ACCSL: variants seen among roughly 807,000 people sequenced by gnomAD.
The protein encoded by ACCSL is 1-aminocyclopropane-1-carboxylate synthase homolog (inactive) like.
A neutral mutation model predicts 61.7 loss-of-function variants in ACCSL; 55 were observed. That is an observed-to-expected ratio of 0.89 (90% CI 0.72 to 1.12). ACCSL has a LOEUF of 1.12. ACCSL is among the 50% of genes most tolerant of loss of function. The pLI, the probability that ACCSL is intolerant of heterozygous loss-of-function variation, is 0.00. For synonymous variants in ACCSL, 258 were observed against 264.3 expected (o/e 0.98, Z 0.23); for missense variants, 632 against 698.0 (o/e 0.91, Z 1.07).
At chr11:44,028,154 AG>A in the ACCSL span, among the ~76,000 whole-genome samples, 1 of 151,982 alleles carries the variant, frequency 6.6e-6, no homozygotes, top group Non-Finnish European at 1.5e-5. Flanking sequence ...TGACAGAGTG[AG>A]ACCCTATCTC....
chr11:43,955,134 C>T, the ACCSL span, among the ~76,000 whole-genome samples: 3 of 152,146 alleles, frequency 2.0e-5, no homozygotes, highest in Non-Finnish European at 2.9e-5. Flanking sequence ...TAGCTGGTAG[C>T]GAGTCAGGTG....
the ACCSL span, among the ~76,000 whole-genome samples, chr11:43,927,747 A>G: frequency 6.6e-6 from 1 of 152,214 alleles, no homozygotes; most frequent in Admixed American, 6.5e-5. Context: ...TCCACCTGCC[A>G]GTGGTGTTTG....
chr11:44,030,224 A>T, the ACCSL span, among the ~76,000 whole-genome samples: 1 of 150,980 alleles, frequency 6.6e-6, no homozygotes, highest in Middle Eastern at 3.4e-3. Flanking sequence ...ACTAGTAGTG[A>T]TTCCTCAGGA....
the ACCSL span, among the ~76,000 whole-genome samples, chr11:43,999,861 T>A: frequency 6.7e-6 from 1 of 150,124 alleles, no homozygotes; most frequent in Non-Finnish European, 1.5e-5. Flanking sequence ...CAGAAAAAAA[T>A]AAATCATAAA....
chr11:43,954,271 C>G, the ACCSL span, among the ~76,000 whole-genome samples: 1 of 151,984 alleles, frequency 6.6e-6, no homozygotes, highest in Non-Finnish European at 1.5e-5. Flanking sequence ...TGTCTCACGC[C>G]GAGGAAATCA....
At chr11:43,926,311 T>G in the ACCSL span, 2 of 281,196 alleles carry the variant, frequency 7.1e-6, no homozygotes, top group Non-Finnish European at 1.4e-5. Context: ...CCTGGACAGA[T>G]TCCAGGATTC....
At chr11:44,053,145 C>A in intron 7 of ACCSL, 77 bp downstream of exon 7, 2 of 1,323,470 alleles carry the variant, frequency 1.5e-6, no homozygotes, top group Non-Finnish European at 2.2e-6. Flanking sequence ...TCTGGTACTG[C>A]TTATTCACCA....
the ACCSL span, among the ~76,000 whole-genome samples, chr11:44,004,406 A>T: frequency 6.6e-6 from 1 of 151,802 alleles, no homozygotes; most frequent in Non-Finnish European, 1.5e-5. Context: ...TGAGAAAAGG[A>T]GTCTCACCAG....
At chr11:43,931,757 C>T in the ACCSL span, among the ~76,000 whole-genome samples, 5 of 152,194 alleles carry the variant, frequency 3.3e-5, no homozygotes, top group East Asian at 1.9e-4. Flanking sequence ...TCGTCCCCTG[C>T]GCGTCCCTTT....
chr11:44,052,577 G>A (rs751035694), intron 5 of ACCSL, 85 bp from the exon 6 acceptor site: 335 of 1,177,704 alleles, frequency 2.8e-4, no homozygotes, highest in Non-Finnish European at 4.0e-4. Context: ...TTTTTCTGTC[G>A]ATAGCTTTGC....
At chr11:44,042,136 T>C in the ACCSL span, among the ~76,000 whole-genome samples, 3 of 152,366 alleles carry the variant, frequency 2.0e-5, no homozygotes, top group East Asian at 5.8e-4. Context: ...AATTCATCCA[T>C]AGTTCATTAA....
chr11:44,024,870 G>T, the ACCSL span, among the ~76,000 whole-genome samples: 1 of 151,952 alleles, frequency 6.6e-6, no homozygotes, highest in Non-Finnish European at 1.5e-5. Context: ...GCTGTTTGTT[G>T]GGTGCATAGA....
At chr11:43,942,381 C>G in the ACCSL span, 1 of 214,012 alleles carries the variant, frequency 4.7e-6, no homozygotes, top group Non-Finnish European at 9.8e-6. Context: ...TGTCCGGGCG[C>G]AGCTCGGGCC....
At chr11:44,052,880 G>A (rs1365931822) in intron 6 of ACCSL, 111 bp from the exon 7 acceptor site, 91 of 1,433,896 alleles carry the variant, frequency 6.3e-5, no homozygotes, top group Non-Finnish European at 8.7e-5. Context: ...GGTGGAGAAG[G>A]CATGTGGACT....
At position 44,056,223 on chromosome 11, in the gene ACCSL, T is replaced by C. The variant is rs1952670627; in HGVS notation, c.1224T>C (p.Tyr408=). The C allele has an allele frequency of 4.3e-6, 7 of 1,614,124 alleles. No individual in the cohort carries two copies. The highest frequency in any genetic ancestry group is 1.3e-5 in the African/African-American group (1 of 74,942). The change falls in exon 11 of 14, where the codon TAT becomes TAC. Residue 408 remains tyrosine, a synonymous_variant. Transcript: ENST00000378832. ...CTGGCTTCCGCTTTGGTGCTCTGTA[T>C]ACCCACAACAAGGAGGTGGCCTCTG... ...GISGFRFGAL[Y]THNKEVASAV...
At chr11:43,964,847 G>A in the ACCSL span, among the ~76,000 whole-genome samples, 2 of 151,302 alleles carry the variant, frequency 1.3e-5, no homozygotes, top group Admixed American at 6.6e-5. Flanking sequence ...AAAAAACACA[G>A]GAACTTCTTA....
At chr11:44,020,634 T>C in the ACCSL span, among the ~76,000 whole-genome samples, 1 of 152,208 alleles carries the variant, frequency 6.6e-6, no homozygotes, top group Non-Finnish European at 1.5e-5. Flanking sequence ...TTTTTTTTCT[T>C]TTTTAATTTC....
chr11:44,023,147 G>A, the ACCSL span, among the ~76,000 whole-genome samples: 1 of 148,546 alleles, frequency 6.7e-6, no homozygotes, highest in Non-Finnish European at 1.5e-5. Flanking sequence ...GACTTTCTGG[G>A]CTCAGGTGAT....
At chr11:44,003,216 C>T in the ACCSL span, among the ~76,000 whole-genome samples, 1 of 152,260 alleles carries the variant, frequency 6.6e-6, no homozygotes, top group South Asian at 2.1e-4. Context: ...CAAAGCAGGT[C>T]ACGGAAGTCA....
Sources: gnomAD v4.1 joint callset for allele counts (sites outside exome capture counted in the v4.1 genomes callset) on GRCh38, gnomAD v4.1.1 for gene constraint, MANE v1.5 for transcripts, NCBI Gene and HGNC (gene_info 2026-07-23, HGNC 2026-07-21) for gene names.